Variants in MSH6 observed in about 807,000 individuals in gnomAD.
MSH6 encodes mutS homolog 6.
In MSH6, 85 loss-of-function variants were observed where a neutral mutation model predicts 119.1. The observed-to-expected ratio is 0.71, with a 90% CI of 0.60 to 0.85. The LOEUF (loss-of-function observed/expected upper bound fraction) is 0.85, where lower values mean the gene tolerates loss of function less well. Among genes scored for constraint, MSH6 ranks in the 40% least tolerant of loss-of-function variants. The pLI, the probability that MSH6 is intolerant of heterozygous loss-of-function variation, is 0.00. For synonymous variants in MSH6, 830 were observed against 586.9 expected (o/e 1.41, Z -5.99); for missense variants, 2,163 against 1,655.3 (o/e 1.31, Z -5.32).
At position 47,803,485 on chromosome 2, in the gene MSH6, C is replaced by T. The variant is rs1553331335; in HGVS notation, c.3238C>T (p.Leu1080=). 6.2e-7 allele frequency: 1 copy of T among 1,614,128 alleles called. No individual in the cohort carries two copies. The highest frequency in any genetic ancestry group is 8.5e-7 in the Non-Finnish European group (1 of 1,180,040). ...TGGTCCTATGTGTCGCCCAGTAATT[C>T]TGTTGCCGGAAGATACCCCCCCCTT... The part of the protein sequence containing the change: ...GDGPMCRPVI[L]LPEDTPPFLE... Residue 1080 remains leucine, a synonymous_variant, in exon 5 of 10, where the codon CTG becomes TTG. Transcript: ENST00000234420.
rs1166381063 is a variant in MSH6 at position 47,806,595 on chromosome 2, G to T, written c.3945G>T (p.Lys1315Asn). The change falls in exon 9 of 10, where the codon AAG becomes AAT. Residue 1315 changes from lysine to asparagine, a missense_variant. Coordinates refer to ENST00000234420, the MANE Select transcript of MSH6 (RefSeq NM_000179.3). Reference protein sequence around the residue: ...LANLPEEVIQKGHRKAREFEK... With the variant: ...LANLPEEVIQNGHRKAREFEK... ...ATCTCCCAGAGGAAGTTATTCAAAA[G>T]GGACATAGAAAAGCAAGAGAATTTG... 6.2e-7 allele frequency: 1 copy of T among 1,613,198 alleles called. No homozygotes were observed. The highest frequency in any genetic ancestry group is 2.2e-5 in the East Asian group (1 of 44,864).
Position 47,800,631 on chromosome 2 carries a change from A to G in MSH6, c.2648A>G (p.Lys883Arg), listed in dbSNP as rs764816440. ...ATGGAAGAAGTTGCTGATGGTTTTA[A>G]GTCTAAAATCCTTAAGCAGGTCATC... is the stretch of plus-strand genomic sequence containing the variant. ...GIMEEVADGF[K>R]SKILKQVISL... Residue 883 changes from lysine to arginine, a missense_variant, in exon 4 of 10, where the codon AAG becomes AGG. Transcript: ENST00000234420. The G allele has an allele frequency of 6.2e-7, 1 of 1,614,196 alleles. No homozygotes were observed. Among genetic ancestry groups the G allele is most frequent in the South Asian group, 1.1e-5 (1 of 91,088 alleles).
chr2:47,785,083 A>C (rs1255386481), intron 1 of MSH6: 1 of 152,042 alleles, frequency 6.6e-6, no homozygotes, highest in Non-Finnish European at 1.5e-5. Flanking sequence ...TGGCCTACCA[A>C]AGTGCTGGGA....
At chr2:47,803,336 G>A (rs2104468992) in intron 4 of MSH6, 84 bp from the exon 5 acceptor site, 2 of 1,543,472 alleles carry the variant, frequency 1.3e-6, no homozygotes, top group Admixed American at 1.7e-5. Context: ...AATGAAATGT[G>A]TTATATAAAG....
chr2:47,791,175 T>A lies in MSH6; in HGVS notation c.457+52T>A, dbSNP rs3136282. 0.3 allele frequency: 412,275 copies of A among 1,357,364 alleles called. 61,652 individuals are homozygous for A. The highest frequency in any genetic ancestry group is 0.34 in the Non-Finnish European group (329,753 of 955,862). The allele number at this position is 1,357,364 out of a possible 1,614,324, so 84.1% of individuals were successfully genotyped here. Reference sequence around the variant, plus strand: ...GTGTTTGTGTGTGTGTGTGTGTGTGTGAGAGAAACAGACAGACAGGCAGAC... The same window carrying A: ...GTGTTTGTGTGTGTGTGTGTGTGTGAGAGAGAAACAGACAGACAGGCAGAC... On this transcript the variant is annotated intron_variant, in intron 2 of 9. Transcript: ENST00000234420.
At chr2:47,790,282 G>C (rs751160580) in intron 1 of MSH6, among the ~76,000 whole-genome samples, 2 of 152,190 alleles carry the variant, frequency 1.3e-5, no homozygotes, top group African/African-American at 4.8e-5. Flanking sequence ...AAATAAGCCA[G>C]GTGTGATGGC....
intron 5 of MSH6, among the ~76,000 whole-genome samples, chr2:47,804,687 G>C (rs970978159): frequency 1.3e-5 from 2 of 152,150 alleles, no homozygotes; most frequent in African/African-American, 4.8e-5. Flanking sequence ...TGGTAAGCAG[G>C]CTCTGATGTT....
At chr2:47,809,046 T>A, downstream of MSH6, 3 of 618,956 alleles carry the variant, frequency 4.8e-6, no homozygotes, top group Non-Finnish European at 8.5e-6. Flanking sequence ...GATAAAATTT[T>A]CAGTTAGTTA....
At chr2:47,807,696 A>T (rs1223467150), downstream of MSH6, 1 of 232,910 alleles carries the variant, frequency 4.3e-6, no homozygotes, top group East Asian at 6.3e-5. Context: ...GGAACGCAGA[A>T]GTGCTAGCTC....
intron 2 of MSH6, 48 bp from the exon 3 acceptor site, chr2:47,795,846 G>A (rs2104225371): frequency 1.3e-6 from 2 of 1,557,182 alleles, no homozygotes; most frequent in South Asian, 1.1e-5. Context: ...TTACAGGCGT[G>A]AGCCTCTGCA....
chr2:47,791,170 G>C (rs2104115297), intron 2 of MSH6, 47 bp downstream of exon 2: 2 of 1,550,028 alleles, frequency 1.3e-6, no homozygotes, highest in Non-Finnish European at 1.8e-6. Context: ...GTGTGTGTGT[G>C]TGTGTGAGAG....
Position 47,791,074 on chromosome 2 carries a change from CAGCCCAACAAGGGGCTGGGTT to C in MSH6, c.412_432del (p.Pro138_Ser144del). 2 of 1,614,198 alleles carry C rather than the reference CAGCCCAACAAGGGGCTGGGTT, an allele frequency of 1.2e-6. No homozygotes were observed. The highest frequency in any genetic ancestry group is 1.7e-6 in the Non-Finnish European group (2 of 1,180,038). On this transcript the variant is annotated inframe_deletion, in exon 2 of 10. Coordinates refer to ENST00000234420, the MANE Select transcript of MSH6 (RefSeq NM_000179.3). ...GTGTTCATGTACAGTTTTTTGATGACAGCCCAACAAGGGGCTGGGTTAGCAAAAGGCTTTTAAAGCCATATA... is the reference window on the plus strand; with the variant it reads ...GTGTTCATGTACAGTTTTTTGATGACAGCAAAAGGCTTTTAAAGCCATATA...
At chr2:47,792,848 T>G (rs1195566084) in intron 2 of MSH6, among the ~76,000 whole-genome samples, 5 of 37,962 alleles carry the variant, frequency 1.3e-4, no homozygotes, top group South Asian at 1.5e-3. Context: ...TTTATATAGT[T>G]TTTTTTTTTT....
At chr2:47,798,361 C>G (rs1669222182) in intron 3 of MSH6, among the ~76,000 whole-genome samples, 1 of 152,190 alleles carries the variant, frequency 6.6e-6, no homozygotes, top group Non-Finnish European at 1.5e-5. Context: ...TGGGCGTAGC[C>G]TAACCTATCT....
rs536686679 is a variant in MSH6 at position 47,796,045 on chromosome 2, A to G, written c.609A>G (p.Glu203=). 7 of 1,614,168 alleles carry G rather than the reference A, an allele frequency of 4.3e-6. No individual in the cohort carries two copies. The East Asian group carries it at 1.1e-4, about 26-fold the overall frequency. ...TTTGTGATGAGCCCTCAGAGCCAGA[A>G]GAGGAAGAAGAGATGGAGGTGGGAC... ...LAVCDEPSEP[E]EEEEMEVGTT... Residue 203 remains glutamate (E), a synonymous_variant, in exon 3 of 10, where the codon GAA becomes GAG. Coordinates refer to ENST00000234420, the MANE Select transcript of MSH6 (RefSeq NM_000179.3).
At chr2:47,808,277 A>G, downstream of MSH6, 3 of 1,612,856 alleles carry the variant, frequency 1.9e-6, no homozygotes, top group Non-Finnish European at 2.5e-6. Flanking sequence ...AAATATTAGA[A>G]AAGTGAGGGG....
chr2:47,809,278 GAA>G, downstream of MSH6: 1 of 1,460,386 alleles, frequency 6.8e-7, no homozygotes, highest in Non-Finnish European at 9.4e-7. Flanking sequence ...TGTAATAAAA[GAA>G]AGAATAAGTA....
rs200447622 is a variant in MSH6, at chr2:47,799,629, C to A, written c.1646C>A (p.Ser549Tyr). 5 of 1,614,084 alleles carry A rather than the reference C, an allele frequency of 3.1e-6. No individual in the cohort carries two copies. Among genetic ancestry groups the A allele is most frequent in the South Asian group, 1.1e-5 (1 of 91,068 alleles). Reference sequence around the variant, plus strand: ...AGCCTCAAAGAAAAAGAGGAAGATTCTTCTGGCCATACTCGTGCATATGGT... The same window carrying A: ...AGCCTCAAAGAAAAAGAGGAAGATTATTCTGGCCATACTCGTGCATATGGT... The part of the protein sequence containing the change: ...LLSLKEKEED[S>Y]SGHTRAYGVC... Residue 549 changes from serine to tyrosine, a missense_variant, in exon 4 of 10, where the codon TCT becomes TAT. Ser to Tyr is a moderately radical substitution (Grantham distance 144). Coordinates refer to ENST00000234420, the MANE Select transcript of MSH6 (RefSeq NM_000179.3).
chr2:47,791,438 G>A (rs1341087158), intron 2 of MSH6, among the ~76,000 whole-genome samples: 1 of 152,058 alleles, frequency 6.6e-6, no homozygotes, highest in East Asian at 1.9e-4. Context: ...ATGTCATCAG[G>A]ATACATAGCC....
Sources: allele counts gnomAD v4.1 joint callset (sites outside exome capture counted in the v4.1 genomes callset), GRCh38; gene constraint gnomAD v4.1.1; transcripts MANE v1.5; gene names NCBI Gene and HGNC (gene_info 2026-07-23, HGNC 2026-07-21).